STPG2: variants seen among roughly 807,000 people sequenced by gnomAD.
The protein encoded by STPG2 is sperm-tail PG-rich repeat-containing protein 2.
STPG2 carries 56 observed loss-of-function variants against 54.2 expected under a neutral mutation model. The ratio of observed to expected loss-of-function variants is 1.03; its 90% CI spans 0.83 to 1.29. The LOEUF is 1.29. STPG2 is among the 50% of genes most tolerant of loss of function. The pLI, the probability that STPG2 is intolerant of heterozygous loss-of-function variation, is 0.00. For synonymous variants in STPG2, 200 were observed against 181.8 expected, an observed-to-expected ratio of 1.10 and a Z score of -0.81; for missense variants, 596 against 544.9, an observed-to-expected ratio of 1.09 and a Z score of -0.93.
At chr4:97,572,859 T>C (rs1363100978) in intron 10 of STPG2, 1 of 152,144 alleles carries the variant, frequency 6.6e-6, no homozygotes, top group African/African-American at 2.4e-5. Flanking sequence ...TGGTTAGTAT[T>C]AGAGATGATA....
chr4:98,020,222 C>A (rs1419050546), intron 5 of STPG2, among the ~76,000 whole-genome samples: 1 of 131,792 alleles, frequency 7.6e-6, no homozygotes, highest in Non-Finnish European at 1.7e-5. Context: ...GAGTTTTTAG[C>A]ATGAAGGGTT....
At chr4:97,864,685 C>T (rs1729693780) in intron 8 of STPG2, among the ~76,000 whole-genome samples, 1 of 152,160 alleles carries the variant, frequency 6.6e-6, no homozygotes, top group Non-Finnish European at 1.5e-5. Context: ...TACCTGACTT[C>T]AAACTATACT....
At chr4:97,719,709 T>C (rs888199287) in intron 9 of STPG2, among the ~76,000 whole-genome samples, 11 of 151,918 alleles carry the variant, frequency 7.2e-5, no homozygotes, top group African/African-American at 2.7e-4. Flanking sequence ...CTTATTGAGC[T>C]GAACTGAACT....
At chr4:97,731,351 G>A (rs918627343) in intron 9 of STPG2, among the ~76,000 whole-genome samples, 2 of 151,996 alleles carry the variant, frequency 1.3e-5, no homozygotes, top group African/African-American at 2.4e-5. Flanking sequence ...ATTTTTGTTC[G>A]GTGGCGTCAT....
At chr4:97,690,310 T>C (rs1381541465) in intron 10 of STPG2, among the ~76,000 whole-genome samples, 1 of 152,132 alleles carries the variant, frequency 6.6e-6, no homozygotes, top group Non-Finnish European at 1.5e-5. Context: ...TATCAAGAAA[T>C]TAATGTTTTC....
chr4:98,112,913 G>A (rs749776787), intron 3 of STPG2, among the ~76,000 whole-genome samples: 2 of 151,790 alleles, frequency 1.3e-5, no homozygotes, highest in Non-Finnish European at 2.9e-5. Context: ...GAGTGGCAAT[G>A]CTAAATACTG....
intron 5 of STPG2, among the ~76,000 whole-genome samples, chr4:98,035,951 TG>T (rs1736764245): frequency 6.7e-6 from 1 of 150,054 alleles, no homozygotes; most frequent in African/African-American, 2.5e-5. Context: ...TGTCGAGGGG[TG>T]GGGGCTAGGG....
intron 10 of STPG2, among the ~76,000 whole-genome samples, chr4:97,617,645 G>A (rs763467208): frequency 2.0e-5 from 3 of 152,088 alleles, no homozygotes; most frequent in Non-Finnish European, 4.4e-5. Flanking sequence ...GAACCAGACA[G>A]AATAAGGATA....
intron 4 of STPG2, among the ~76,000 whole-genome samples, chr4:97,465,498 A>G (rs1729766478): frequency 6.6e-6 from 1 of 151,946 alleles, no homozygotes; most frequent in South Asian, 2.1e-4. Flanking sequence ...GTTCTATTAT[A>G]TCATTTGTTT....
At chr4:97,734,327 T>C (rs535559492) in intron 9 of STPG2, among the ~76,000 whole-genome samples, 9 of 152,318 alleles carry the variant, frequency 5.9e-5, no homozygotes, top group Admixed American at 2.0e-4. Context: ...TAGGTAAACT[T>C]GTGTTATGAG....
At chr4:97,990,464 A>G (rs1433253633) in intron 5 of STPG2, among the ~76,000 whole-genome samples, 11 of 152,156 alleles carry the variant, frequency 7.2e-5, no homozygotes, top group African/African-American at 2.7e-4. Flanking sequence ...TGTTTTCCAA[A>G]TTGTGACCAA....
chr4:98,068,923 A>C (rs1406677033), intron 5 of STPG2, among the ~76,000 whole-genome samples: 2 of 152,120 alleles, frequency 1.3e-5, no homozygotes, highest in Non-Finnish European at 2.9e-5. Flanking sequence ...GAAAAAGTAC[A>C]GTAAAAATAC....
At chr4:97,488,760 A>G (rs542721093) in intron 4 of STPG2, among the ~76,000 whole-genome samples, 28 of 151,878 alleles carry the variant, frequency 1.8e-4, no homozygotes, top group Admixed American at 1.4e-3. Flanking sequence ...AGTGACAGAC[A>G]TCATTTCCAC....
chr4:98,109,421 G>T (rs903370934), intron 3 of STPG2, 116 bp from the exon 4 acceptor site: 1 of 700,170 alleles, frequency 1.4e-6, no homozygotes, highest in Non-Finnish European at 2.4e-6. Flanking sequence ...CAGTAAGGGG[G>T]TTCCACTGGT....
At chr4:97,766,578 G>A (rs62318592) in intron 9 of STPG2, among the ~76,000 whole-genome samples, 1 of 151,956 alleles carries the variant, frequency 6.6e-6, no homozygotes, top group Non-Finnish European at 1.5e-5. Context: ...GGACATTTGA[G>A]TAATATTAAT....
chr4:98,141,119 A>G (rs1480604221), intron 1 of STPG2, among the ~76,000 whole-genome samples: 1 of 152,162 alleles, frequency 6.6e-6, no homozygotes, highest in Non-Finnish European at 1.5e-5. Context: ...CCTACAAACT[A>G]TACATTCTTA....
At chr4:97,929,509 CT>C (rs1376649765) in intron 8 of STPG2, among the ~76,000 whole-genome samples, 1 of 152,172 alleles carries the variant, frequency 6.6e-6, no homozygotes, top group Non-Finnish European at 1.5e-5. Context: ...TACAAGCATT[CT>C]TTTTTCTCTG....
intron 10 of STPG2, among the ~76,000 whole-genome samples, chr4:97,571,981 C>A (rs1732613417): frequency 6.6e-6 from 1 of 152,110 alleles, no homozygotes. Flanking sequence ...TGGACTTCAC[C>A]ATTTGCTACA....
chr4:97,446,151 A>G (rs1026125581), intron 4 of STPG2, among the ~76,000 whole-genome samples: 2 of 152,222 alleles, frequency 1.3e-5, no homozygotes, highest in Non-Finnish European at 1.5e-5. Context: ...TGACTAAAGC[A>G]TAACATTACA....
Sources: allele counts gnomAD v4.1 joint callset (sites outside exome capture counted in the v4.1 genomes callset), GRCh38; gene constraint gnomAD v4.1.1; transcripts MANE v1.5; gene names NCBI Gene and HGNC (gene_info 2026-07-23, HGNC 2026-07-21).